CHRNB1: variants seen among roughly 807,000 people sequenced by gnomAD.
CHRNB1 encodes the protein acetylcholine receptor subunit beta.
CHRNB1 carries 47 observed loss-of-function variants against 53.8 expected under a neutral mutation model. That is an observed-to-expected ratio of 0.87 (90% confidence interval 0.69 to 1.11). The LOEUF (loss-of-function observed/expected upper bound fraction) is 1.11, where lower values mean the gene tolerates loss of function less well. Ranked by LOEUF, CHRNB1 falls within the 50% of genes most tolerant of loss-of-function variation. The probability of loss-of-function intolerance (pLI) is 0.00; values close to 1 mark genes in which losing one functional copy is unlikely to be tolerated. For synonymous variants in CHRNB1, 259 were observed against 263.5 expected, an observed-to-expected ratio of 0.98 and a Z score of 0.16; for missense variants, 605 against 654.9, an observed-to-expected ratio of 0.92 and a Z score of 0.83.
At chr17:7,456,016 C>A (rs1597755540) in intron 10 of CHRNB1, 75 bp downstream of exon 10, 2 of 1,184,290 alleles carry the variant, frequency 1.7e-6, no homozygotes, top group South Asian at 1.3e-5. Context: ...CACCAGCACT[C>A]GCTTTCGTTT....
chr17:7,457,087 G>C lies in CHRNB1; in HGVS notation c.*364G>C. 3.7e-6 allele frequency: 1 copy of C among 270,588 alleles called. No homozygotes were observed. The highest frequency in any genetic ancestry group is 3.7e-5 in the South Asian group (1 of 27,228). The allele number at this position is 270,588 out of a possible 1,614,324, so 16.8% of individuals were successfully genotyped here. A position where few individuals can be genotyped will look rare whatever the true frequency, so the allele number is the denominator to read the frequency against. ...AATCCCAGCACTTTGGGAGGCCAAGGCGGGCGGATCACCTGAGGTCGGGAG... is the reference window on the plus strand; with the variant it reads ...AATCCCAGCACTTTGGGAGGCCAAGCCGGGCGGATCACCTGAGGTCGGGAG... On this transcript the variant is annotated 3_prime_UTR_variant, in exon 11 of 11. Transcript: ENST00000306071.
At chr17:7,452,246 T>C (rs1196633886) in intron 7 of CHRNB1, among the ~76,000 whole-genome samples, 2 of 151,834 alleles carry the variant, frequency 1.3e-5, no homozygotes, top group African/African-American at 4.8e-5. Flanking sequence ...TAAGTAGAGA[T>C]GGGGTTTCGC....
intron 8 of CHRNB1, 92 bp from the exon 9 acceptor site, chr17:7,455,192 G>A: frequency 3.6e-6 from 5 of 1,405,644 alleles, no homozygotes; most frequent in Non-Finnish European, 5.0e-6. Flanking sequence ...ACTCACGCGC[G>A]GGAATGGGCA....
In CHRNB1 at chr17:7,456,689, C is replaced by G; in HGVS notation, c.1472C>G (p.Thr491Arg). The G allele has an allele frequency of 1.2e-6, 2 of 1,614,162 alleles. No homozygotes were observed. Among genetic ancestry groups the G allele is most frequent in the South Asian group, 2.2e-5 (2 of 91,086 alleles). The change falls in exon 11 of 11, where the codon ACG becomes AGG. Residue 491 changes from threonine (T) to arginine (R), a missense_variant. Physicochemically the swap from Thr to Arg is moderately conservative, Grantham distance 71 (BLOSUM62 -1). Coordinates refer to ENST00000306071, the MANE Select transcript of CHRNB1 (RefSeq NM_000747.3). ...ACCCTAGTCATCTTCCTGGACGCCA[C>G]GTACCACTTGCCCCCTCCAGACCCC... is the stretch of plus-strand genomic sequence containing the variant. ...VGTLVIFLDA[T>R]YHLPPPDPFP is the part of the protein sequence containing the mutation.
chr17:7,455,683 G>A (rs974322145), intron 9 of CHRNB1, 111 bp from the exon 10 acceptor site: 8 of 1,440,766 alleles, frequency 5.6e-6, no homozygotes, highest in Non-Finnish European at 7.8e-6. Context: ...AAGCATGATG[G>A]GCTCTCGGGT....
chr17:7,446,955 C>G lies in CHRNB1; in HGVS notation c.353+13C>G, dbSNP rs1457457685. On this transcript the variant is annotated intron_variant, in intron 4 of 10. Transcript: ENST00000306071. Reference sequence around the variant, plus strand: ...TGCTACTGAACAAGTAGGAGAACTTCCAAAGCCCGGGAGGTGGCGCGGGGC... The same window carrying G: ...TGCTACTGAACAAGTAGGAGAACTTGCAAAGCCCGGGAGGTGGCGCGGGGC... The G allele has an allele frequency of 6.2e-7, 1 of 1,612,252 alleles. No homozygotes were observed. The highest frequency in any genetic ancestry group is 1.1e-5 in the South Asian group (1 of 90,998).
rs757194127 is a variant in CHRNB1 at position 7,454,317 on chromosome 17, A to G, written c.841A>G (p.Ile281Val). 3.7e-6 allele frequency: 6 copies of G among 1,614,004 alleles called. No individual in the cohort carries two copies. The highest frequency in any genetic ancestry group is 3.3e-5 in the South Asian group (3 of 91,066). Residue 281 changes from isoleucine (I) to valine (V), a missense_variant, in exon 8 of 11, where the codon ATC (isoleucine) becomes GTC (valine). Ile to Val is a conservative substitution (Grantham distance 29, BLOSUM62 3). Transcript: ENST00000306071. Reference protein sequence around the residue: ...PDAGEKMGLSIFALLTLTVFL... With the variant: ...PDAGEKMGLSVFALLTLTVFL... ...CCAAGGAGAGAAGATGGGGCTCTCA[A>G]TCTTTGCCCTGCTGACCCTTACTGT...
In CHRNB1 at chr17:7,454,528, A is replaced by G; in HGVS notation, c.1044+8A>G. Reference sequence around the variant, plus strand: ...CCCCTTTGGGTCCGTCAGGTAAGAAAGATCTCCTCCTCCAACCCCAATTTT... The same window carrying G: ...CCCCTTTGGGTCCGTCAGGTAAGAAGGATCTCCTCCTCCAACCCCAATTTT... On this transcript the variant is annotated splice_region_variant and intron_variant, in intron 8 of 10. Coordinates refer to ENST00000306071, the MANE Select transcript of CHRNB1 (RefSeq NM_000747.3). 1 of 1,611,930 alleles carries G rather than the reference A, an allele frequency of 6.2e-7. No individual in the cohort carries two copies. Among genetic ancestry groups the G allele is most frequent in the Non-Finnish European group, 8.5e-7 (1 of 1,178,012 alleles).
At chr17:7,450,147 CTT>C (rs200182831) in intron 7 of CHRNB1, among the ~76,000 whole-genome samples, 3 of 141,000 alleles carry the variant, frequency 2.1e-5, no homozygotes, top group Non-Finnish European at 3.1e-5. Flanking sequence ...ATTCCTTAAT[CTT>C]TTTTTTTTTT....
intron 6 of CHRNB1, among the ~76,000 whole-genome samples, chr17:7,447,961 G>A (rs1399958804): frequency 1.3e-5 from 2 of 149,922 alleles, no homozygotes; most frequent in African/African-American, 2.5e-5. Flanking sequence ...TGTAATCCCA[G>A]CTACTTGGGA....
At position 7,455,940 on chromosome 17, in the gene CHRNB1, C is replaced by A. The variant is rs777159945; in HGVS notation, c.1364C>A (p.Ala455Glu). Residue 455 changes from alanine (A) to glutamate (E), a missense_variant and splice_region_variant, in exon 10 of 11, where the codon GCG becomes GAG. Coordinates refer to ENST00000306071, the MANE Select transcript of CHRNB1 (RefSeq NM_000747.3). ...RQLQEQEDHD[A>E]LKEDWQFVAM... ...CTGCAGGAACAGGAGGACCACGATGCGGTATGTCCAACGGGGGTGGAACAA... is the reference window on the plus strand; with the variant it reads ...CTGCAGGAACAGGAGGACCACGATGAGGTATGTCCAACGGGGGTGGAACAA... The A allele has an allele frequency of 2.5e-5, 40 of 1,598,856 alleles. No individual in the cohort carries two copies. In the Admixed American group the frequency reaches 6.8e-4, roughly 27 times the overall value.
intron 7 of CHRNB1, among the ~76,000 whole-genome samples, chr17:7,451,278 T>C (rs944783624): frequency 1.1e-4 from 15 of 136,800 alleles, no homozygotes; most frequent in East Asian, 2.1e-4. Context: ...TCTTTTCTTT[T>C]TTTTTTTTTT....
intron 10 of CHRNB1, among the ~76,000 whole-genome samples, chr17:7,456,315 A>G (rs2069950401): frequency 6.6e-6 from 1 of 151,806 alleles, no homozygotes; most frequent in South Asian, 2.1e-4. Flanking sequence ...CGGCCTCCCA[A>G]AGTGCTGGGA....
At chr17:7,454,057 C>T (rs1908983590) in intron 7 of CHRNB1, among the ~76,000 whole-genome samples, 1 of 151,924 alleles carries the variant, frequency 6.6e-6, no homozygotes, top group African/African-American at 2.4e-5. Context: ...CAAGACCCAG[C>T]CTCAAATTTG....
At position 7,448,648 on chromosome 17, in the gene CHRNB1, G is replaced by A. The variant is rs886053399; in HGVS notation, c.680G>A (p.Gly227Glu). 3 of 1,614,028 alleles carry A rather than the reference G, an allele frequency of 1.9e-6. No homozygotes were observed. Among genetic ancestry groups the A allele is most frequent in the African/African-American group, 2.7e-5 (2 of 74,914 alleles). The change falls in exon 7 of 11, where the codon GGG (glycine) becomes GAG (glutamate). Residue 227 changes from glycine to glutamate, a missense_variant. Transcript: ENST00000306071. Reference protein sequence around the residue: ...LIQPPGDPRGGREGQRQEVIF... With the variant: ...LIQPPGDPRGEREGQRQEVIF... ...CAGCCTCCAGGCGATCCTAGGGGAG[G>A]GAGGGAAGGACAGCGCCAGGAAGTC...
chr17:7,448,693 G>A lies in CHRNB1; in HGVS notation c.725G>A (p.Arg242His), dbSNP rs79220301. The A allele has an allele frequency of 2.2e-4, 360 of 1,614,162 alleles. 3 individuals carry two copies. The East Asian group carries it at 7.1e-3, about 32-fold the overall frequency. The change falls in exon 7 of 11, where the codon CGC becomes CAC. Residue 242 changes from arginine (R) to histidine (H), a missense_variant. Transcript: ENST00000306071. ...RQEVIFYLII[R>H]RKPLFYLVNV... ...GAAGTCATCTTCTACCTCATCATCCGCCGCAAGCCTCTCTTCTACCTGGTC... is the reference window on the plus strand; with the variant it reads ...GAAGTCATCTTCTACCTCATCATCCACCGCAAGCCTCTCTTCTACCTGGTC...
At position 7,447,762 on chromosome 17, in the gene CHRNB1, G is replaced by A. The variant is rs1372490544; in HGVS notation, c.610+112G>A. 112 of 1,284,624 alleles carry A rather than the reference G, an allele frequency of 8.7e-5. 1 individual carries two copies. In the South Asian group the frequency reaches 1.4e-3, roughly 16 times the overall value. 79.6% of individuals were successfully genotyped at this position (1,284,624 alleles called of 1,614,324 possible). ...ATAGCCCTGTGGGGTCAGCAGGATG[G>A]GTATGGCTATCTACATTTTAAAAGT... On this transcript the variant is annotated intron_variant, in intron 6 of 10. Coordinates refer to ENST00000306071, the MANE Select transcript of CHRNB1 (RefSeq NM_000747.3).
intron 7 of CHRNB1, among the ~76,000 whole-genome samples, chr17:7,452,063 T>C (rs1181422062): frequency 4.0e-5 from 6 of 150,966 alleles, no homozygotes; most frequent in East Asian, 1.9e-4. Flanking sequence ...TTTTCTTTTT[T>C]TTTTTTTTTT....
intron 7 of CHRNB1, among the ~76,000 whole-genome samples, chr17:7,451,650 G>T (rs541542365): frequency 6.6e-6 from 1 of 152,124 alleles, no homozygotes; most frequent in African/African-American, 2.4e-5. Context: ...AGCTCTGCCA[G>T]GTGCAGCCCA....
Sources: gnomAD v4.1 joint callset for allele counts (sites outside exome capture counted in the v4.1 genomes callset) on GRCh38, gnomAD v4.1.1 for gene constraint, MANE v1.5 for transcripts, NCBI Gene and HGNC (gene_info 2026-07-23, HGNC 2026-07-21) for gene names.